RAD18: variants seen among roughly 807,000 people sequenced by gnomAD.
The protein encoded by RAD18 is E3 ubiquitin-protein ligase RAD18.
RAD18 carries 47 observed loss-of-function variants against 60.4 expected under a neutral mutation model. That is an observed-to-expected ratio of 0.78 (90% CI 0.62 to 0.99). RAD18 has a LOEUF of 0.99. RAD18 is among the 50% of genes least tolerant of loss of function. RAD18 has a pLI of 0.00. For synonymous variants in RAD18, 225 were observed against 195.5 expected (o/e 1.15, Z -1.26); for missense variants, 640 against 593.3 (o/e 1.08, Z -0.82).
chr3:8,911,066 G>A (rs1940097238), intron 9 of RAD18, among the ~76,000 whole-genome samples: 1 of 152,156 alleles, frequency 6.6e-6, no homozygotes, highest in Non-Finnish European at 1.5e-5. Flanking sequence ...TATATCAATA[G>A]TATAGTTAGA....
intron 2 of RAD18, among the ~76,000 whole-genome samples, chr3:8,952,500 T>G (rs1291096202): frequency 1.3e-5 from 2 of 152,234 alleles, no homozygotes; most frequent in Non-Finnish European, 1.5e-5. Context: ...TCAATGGATT[T>G]TGGTCAGTAA....
chr3:8,941,559 T>C lies in RAD18; in HGVS notation c.512A>G (p.Glu171Gly). The C allele has an allele frequency of 6.2e-7, 1 of 1,614,132 alleles. No homozygotes were observed. Among genetic ancestry groups the C allele is most frequent in the Non-Finnish European group, 8.5e-7 (1 of 1,180,002 alleles). ...AGCGATCTCTTCTACAGAACGTGTCTCTTTGGTCTTTGCAGCAGGGCTCGC... is the reference window on the plus strand; with the variant it reads ...AGCGATCTCTTCTACAGAACGTGTCCCTTTGGTCTTTGCAGCAGGGCTCGC... ...KEASPAAKTK[E>G]TRSVEEIAPD... Residue 171 changes from glutamate (E) to glycine (G), a missense_variant, in exon 5 of 13, where the codon GAG becomes GGG. Glu to Gly is a moderately conservative substitution (Grantham distance 98). Coordinates refer to ENST00000264926, the MANE Select transcript of RAD18 (RefSeq NM_020165.4).
intron 7 of RAD18, among the ~76,000 whole-genome samples, chr3:8,918,484 T>C (rs1043950569): frequency 3.3e-5 from 5 of 152,124 alleles, no homozygotes; most frequent in Non-Finnish European, 5.9e-5. Context: ...CTCCGCTAAG[T>C]ACAACTAAAA....
chr3:8,961,020 G>A (rs1302806840), intron 1 of RAD18, among the ~76,000 whole-genome samples: 1 of 152,116 alleles, frequency 6.6e-6, no homozygotes, highest in African/African-American at 2.4e-5. Flanking sequence ...AAAATCTAAA[G>A]GGTTATGTTC....
At chr3:8,927,885 GA>G (rs1287749096) in intron 7 of RAD18, among the ~76,000 whole-genome samples, 1 of 146,996 alleles carries the variant, frequency 6.8e-6, no homozygotes, top group Non-Finnish European at 1.5e-5. Flanking sequence ...ACAGGAAGAG[GA>G]ACATCACACA....
intron 11 of RAD18, among the ~76,000 whole-genome samples, chr3:8,896,923 T>C (rs182985630): frequency 1.8e-4 from 27 of 152,022 alleles, no homozygotes; most frequent in African/African-American, 4.8e-4. Context: ...TAAATTCTTA[T>C]AAAAAGTAAA....
At chr3:8,921,188 A>C (rs1940313286) in intron 7 of RAD18, among the ~76,000 whole-genome samples, 1 of 152,256 alleles carries the variant, frequency 6.6e-6, no homozygotes, top group Non-Finnish European at 1.5e-5. Context: ...CAAAATGCTA[A>C]CAATAGGTGG....
chr3:8,953,790 A>G (rs1259803131), intron 2 of RAD18, among the ~76,000 whole-genome samples: 1 of 151,904 alleles, frequency 6.6e-6, no homozygotes, highest in Admixed American at 6.6e-5. Flanking sequence ...ATAAATTACC[A>G]CTATTTTAAA....
chr3:8,897,133 A>G (rs1160292435), intron 11 of RAD18, among the ~76,000 whole-genome samples: 42 of 152,218 alleles, frequency 2.8e-4, no homozygotes, highest in Non-Finnish European at 4.4e-5. Context: ...TTTAATTAGC[A>G]AAATATCCAC....
chr3:8,877,477 A>C lies in RAD18; in HGVS notation c.*3880T>G, dbSNP rs995417882. On this transcript the variant is annotated 3_prime_UTR_variant, in exon 13 of 13. Transcript: ENST00000264926. Reference sequence around the variant, plus strand: ...ATCCTAAAGTTCCCACCTCTTGTTAAGTTTCAACACATGAATTTTGGGGAA... The same window carrying C: ...ATCCTAAAGTTCCCACCTCTTGTTACGTTTCAACACATGAATTTTGGGGAA... The C allele has an allele frequency of 2.3e-4, 35 of 152,334 alleles. No homozygotes were observed. The highest frequency in any genetic ancestry group is 7.7e-4 in the African/African-American group (32 of 41,590). 9.4% of individuals were successfully genotyped at this position (152,334 alleles called of 1,614,324 possible). A position where few individuals can be genotyped will look rare whatever the true frequency, so the allele number is the denominator to read the frequency against.
chr3:8,921,251 C>G (rs1205692673), intron 7 of RAD18, among the ~76,000 whole-genome samples: 1 of 152,154 alleles, frequency 6.6e-6, no homozygotes, highest in Non-Finnish European at 1.5e-5. Flanking sequence ...TTTCAACTTT[C>G]CTATAAACTT....
At chr3:8,959,835 T>G (rs1376164212) in intron 1 of RAD18, among the ~76,000 whole-genome samples, 2 of 140,404 alleles carry the variant, frequency 1.4e-5, no homozygotes, top group Non-Finnish European at 1.5e-5. Flanking sequence ...TGAGCCCACA[T>G]CGCACCACTA....
Position 8,878,699 on chromosome 3 carries a change from AAAAG to A in RAD18, c.*2654_*2657del, listed in dbSNP as rs762640510. On this transcript the variant is annotated 3_prime_UTR_variant, in exon 13 of 13. Transcript: ENST00000264926. Reference sequence around the variant, plus strand: ...CCAGTAATCCTCAACATGAGGTCGAAAAAGAAAGACGAGAGTAGAGGATGAAAGG... The same window carrying A: ...CCAGTAATCCTCAACATGAGGTCGAAAAAGACGAGAGTAGAGGATGAAAGG... 2 of 152,310 alleles carry A rather than the reference AAAAG, an allele frequency of 1.3e-5. No homozygotes were observed. The highest frequency in any genetic ancestry group is 2.9e-5 in the Non-Finnish European group (2 of 68,032). The allele number at this position is 152,310 out of a possible 1,614,324, so 9.4% of individuals were successfully genotyped here.
chr3:8,954,605 C>T (rs1029952207), intron 2 of RAD18, among the ~76,000 whole-genome samples: 2 of 152,148 alleles, frequency 1.3e-5, no homozygotes, highest in African/African-American at 4.8e-5. Flanking sequence ...TGCATTCTGC[C>T]AAGGCACCCC....
At chr3:8,902,663 GA>G in intron 9 of RAD18, 143 bp from the exon 10 acceptor site, 3 of 758,868 alleles carry the variant, frequency 4.0e-6, no homozygotes, top group African/African-American at 1.8e-5. Flanking sequence ...AGCCTGAAGT[GA>G]ATGGATCACT....
chr3:8,948,666 G>A (rs1352941737), intron 2 of RAD18, 96 bp from the exon 3 acceptor site: 8 of 983,404 alleles, frequency 8.1e-6, no homozygotes, highest in East Asian at 2.5e-5. Context: ...GACTATTTCC[G>A]TCATCTAAGG....
chr3:8,952,533 T>C (rs936462886), intron 2 of RAD18, among the ~76,000 whole-genome samples: 1 of 152,226 alleles, frequency 6.6e-6, no homozygotes, highest in African/African-American at 2.4e-5. Context: ...ATATGTAATA[T>C]TGATTCAACA....
At chr3:8,932,868 C>T (rs45604735) in intron 7 of RAD18, among the ~76,000 whole-genome samples, 52 of 152,174 alleles carry the variant, frequency 3.4e-4, no homozygotes, top group Non-Finnish European at 6.0e-4. Context: ...GAGGCAGAGG[C>T]GGGCAGATCA....
At chr3:8,897,281 G>A (rs606920) in intron 11 of RAD18, among the ~76,000 whole-genome samples, 129,285 of 152,204 alleles carry the variant, frequency 0.85, 55,255 homozygotes, top group African/African-American at 0.93. Context: ...ATAATAAAAT[G>A]TAGGGGGATA....
Sources: gnomAD v4.1 joint callset for allele counts (sites outside exome capture counted in the v4.1 genomes callset) on GRCh38, gnomAD v4.1.1 for gene constraint, MANE v1.5 for transcripts, NCBI Gene and HGNC (gene_info 2026-07-23, HGNC 2026-07-21) for gene names.